Variants in SAMD12 observed in about 807,000 individuals in gnomAD.
SAMD12 encodes the protein sterile alpha motif domain-containing protein 12.
SAMD12 carries 9 observed loss-of-function variants against 15.0 expected under a neutral mutation model. The ratio of observed to expected loss-of-function variants is 0.60; its 90% CI spans 0.36 to 1.05. The LOEUF is 1.05. Ranked by LOEUF, SAMD12 falls within the 50% of genes least tolerant of loss-of-function variation. The probability of loss-of-function intolerance (pLI) is 0.01; values close to 1 mark genes in which losing one functional copy is unlikely to be tolerated. For missense variants in SAMD12, 230 were observed against 234.2 expected (o/e 0.98, Z 0.12); for synonymous variants, 86 against 90.1 (o/e 0.96, Z 0.25).
chr8:118,282,624 T>C (rs1382592150), intron 4 of SAMD12, among the ~76,000 whole-genome samples: 5 of 152,120 alleles, frequency 3.3e-5, no homozygotes, highest in African/African-American at 9.7e-5. Flanking sequence ...GAAATGAAAA[T>C]GAACCTCAAA....
intron 1 of SAMD12, chr8:118,620,915 A>G (rs986338801): frequency 6.6e-6 from 1 of 152,240 alleles, no homozygotes; most frequent in African/African-American, 2.4e-5. Flanking sequence ...TTCATCATTC[A>G]GGCACAGCTT....
intron 4 of SAMD12, among the ~76,000 whole-genome samples, chr8:118,315,527 G>A (rs1815848321): frequency 6.6e-6 from 1 of 152,168 alleles, no homozygotes; most frequent in Non-Finnish European, 1.5e-5. Context: ...CATGGATTCT[G>A]TCATGAATTA....
At chr8:118,409,588 G>A (rs1821302343) in intron 3 of SAMD12, among the ~76,000 whole-genome samples, 2 of 152,000 alleles carry the variant, frequency 1.3e-5, no homozygotes, top group Non-Finnish European at 2.9e-5. Context: ...AAGATTAGTT[G>A]GAAGGTCAGG....
At chr8:118,474,715 T>C (rs898681448) in intron 2 of SAMD12, among the ~76,000 whole-genome samples, 2 of 152,118 alleles carry the variant, frequency 1.3e-5, no homozygotes, top group African/African-American at 2.4e-5. Flanking sequence ...TGTTTTTCCA[T>C]GTATTAATTC....
At chr8:118,436,118 T>C (rs761379074) in intron 3 of SAMD12, among the ~76,000 whole-genome samples, 1 of 144,000 alleles carries the variant, frequency 6.9e-6, no homozygotes, top group Non-Finnish European at 1.5e-5. Context: ...TAGATGACCA[T>C]GCATAGTTTT....
rs1827203127 is a variant in SAMD12 at position 118,578,430 on chromosome 8, T to C, written c.192+2285A>G. 2.6e-5 allele frequency among the ~76,000 whole-genome samples: 4 copies of C among 152,198 alleles called. No individual in the cohort carries two copies. In the South Asian group the frequency reaches 8.3e-4, roughly 31 times the overall value. ...ATTTTGATAACTATTATCAAGCTTG[T>C]CATCCAGAAAAGCTGTACCAATTTA... On this transcript the variant is annotated intron_variant, in intron 2 of 3. Coordinates refer to ENST00000314727, the MANE Select transcript of SAMD12 (RefSeq NM_207506.3).
chr8:118,435,165 C>G (rs1171848624), intron 3 of SAMD12, among the ~76,000 whole-genome samples: 4 of 152,082 alleles, frequency 2.6e-5, no homozygotes, highest in African/African-American at 7.2e-5. Context: ...GCAGCAGCCC[C>G]CTTAGCTACG....
At chr8:118,149,643 C>A in the SAMD12 span, among the ~76,000 whole-genome samples, 1 of 152,264 alleles carries the variant, frequency 6.6e-6, no homozygotes, top group South Asian at 2.1e-4. Flanking sequence ...TAAGACATCT[C>A]TGCCTAATCC....
chr8:118,371,700 T>C (rs1563804287), intron 4 of SAMD12, among the ~76,000 whole-genome samples: 1 of 152,106 alleles, frequency 6.6e-6, no homozygotes, highest in African/African-American at 2.4e-5. Flanking sequence ...ACACATCTTT[T>C]AGAGAGAGAA....
chr8:118,411,822 G>C (rs963182149), intron 3 of SAMD12, among the ~76,000 whole-genome samples: 3 of 152,138 alleles, frequency 2.0e-5, no homozygotes, highest in African/African-American at 7.2e-5. Flanking sequence ...CAATTACTCA[G>C]CTATAAACAG....
chr8:118,405,842 T>C (rs982877168), intron 3 of SAMD12, among the ~76,000 whole-genome samples: 1 of 152,214 alleles, frequency 6.6e-6, no homozygotes, highest in African/African-American at 2.4e-5. Context: ...AGCTGTCATA[T>C]TTCCAGGCTA....
At chr8:118,468,908 C>T (rs1438501482) in intron 2 of SAMD12, among the ~76,000 whole-genome samples, 1 of 152,168 alleles carries the variant, frequency 6.6e-6, no homozygotes, top group Non-Finnish European at 1.5e-5. Context: ...AAGTTTTAAT[C>T]CAAAAGTATT....
At chr8:118,287,285 C>T (rs1465877012) in intron 4 of SAMD12, among the ~76,000 whole-genome samples, 4 of 122,042 alleles carry the variant, frequency 3.3e-5, no homozygotes, top group Non-Finnish European at 6.2e-5. Context: ...CCACTGCGCC[C>T]GGCTAATTTT....
At chr8:118,440,041 T>A in intron 2 of SAMD12, 80 bp from the exon 3 acceptor site, 1 of 1,414,504 alleles carries the variant, frequency 7.1e-7, no homozygotes, top group Non-Finnish European at 9.8e-7. Context: ...TAGAGTGTGT[T>A]AAAGGCTACA....
the SAMD12 span, among the ~76,000 whole-genome samples, chr8:118,155,509 G>T: frequency 6.6e-6 from 1 of 152,188 alleles, no homozygotes. Flanking sequence ...CCCATCTGGT[G>T]CCCAATCAGT....
At chr8:118,599,318 TA>T (rs1827797769) in intron 1 of SAMD12, among the ~76,000 whole-genome samples, 1 of 152,324 alleles carries the variant, frequency 6.6e-6, no homozygotes, top group Admixed American at 6.5e-5. Flanking sequence ...AGCTCTTTTG[TA>T]AAATAAAGGA....
intron 2 of SAMD12, among the ~76,000 whole-genome samples, chr8:118,487,625 T>G (rs1010743503): frequency 6.6e-6 from 1 of 152,246 alleles, no homozygotes; most frequent in Non-Finnish European, 1.5e-5. Flanking sequence ...TTATGCTTTG[T>G]GCTAAGCACT....
intron 2 of SAMD12, among the ~76,000 whole-genome samples, chr8:118,446,604 A>C (rs1822921967): frequency 6.6e-6 from 1 of 152,220 alleles, no homozygotes; most frequent in Non-Finnish European, 1.5e-5. Flanking sequence ...ACAGCATCCG[A>C]AAACGTATCC....
chr8:118,471,467 G>A (rs931641700), intron 2 of SAMD12, among the ~76,000 whole-genome samples: 1 of 152,110 alleles, frequency 6.6e-6, no homozygotes, highest in Non-Finnish European at 1.5e-5. Context: ...TAACGCCATC[G>A]AAATGTTTGA....
Sources: allele counts gnomAD v4.1 joint callset (sites outside exome capture counted in the v4.1 genomes callset), GRCh38; gene constraint gnomAD v4.1.1; transcripts MANE v1.5; gene names NCBI Gene and HGNC (gene_info 2026-07-23, HGNC 2026-07-21).